Variants in TMEM132D observed in about 807,000 individuals in gnomAD.
TMEM132D encodes the protein mature OL transmembrane protein.
Under a neutral mutation model 62.3 loss-of-function variants are expected in TMEM132D, and 21 were observed. That is an observed-to-expected ratio of 0.34 (90% CI 0.24 to 0.49). The LOEUF (loss-of-function observed/expected upper bound fraction) is 0.49, where lower values mean the gene tolerates loss of function less well. Among genes scored for constraint, TMEM132D ranks in the 20% least tolerant of loss-of-function variants. The pLI is 0.99. For missense variants in TMEM132D, 1,346 were observed against 1,402.8 expected, an observed-to-expected ratio of 0.96 and a Z score of 0.65; for synonymous variants, 621 against 575.6, an observed-to-expected ratio of 1.08 and a Z score of -1.13.
At chr12:129,901,868 CCG>C (rs745653070) in intron 1 of TMEM132D, among the ~76,000 whole-genome samples, 26,175 of 140,080 alleles carry the variant, frequency 0.19, 2,487 homozygotes, top group Admixed American at 0.23. Context: ...CCAACCCCCC[CCG>C]CCCCAAAAAA....
intron 4 of TMEM132D, among the ~76,000 whole-genome samples, chr12:129,250,408 A>G (rs1353319510): frequency 1.3e-5 from 2 of 152,220 alleles, no homozygotes; most frequent in Non-Finnish European, 2.9e-5. Flanking sequence ...TTTTGGAATT[A>G]CCTACAGAGT....
chr12:129,394,814 G>A (rs1034971257), intron 3 of TMEM132D, among the ~76,000 whole-genome samples: 2 of 152,232 alleles, frequency 1.3e-5, no homozygotes, highest in Non-Finnish European at 2.9e-5. Context: ...AAACTTTAGT[G>A]GTTGCCTGGG....
At chr12:129,341,630 AC>A (rs1869488861) in intron 3 of TMEM132D, among the ~76,000 whole-genome samples, 1 of 152,218 alleles carries the variant, frequency 6.6e-6, no homozygotes, top group Non-Finnish European at 1.5e-5. Context: ...TACTAAACAG[AC>A]CCAGACTTGG....
intron 6 of TMEM132D, among the ~76,000 whole-genome samples, chr12:129,084,183 G>A (rs1874539021): frequency 6.6e-6 from 1 of 152,098 alleles, no homozygotes; most frequent in South Asian, 2.1e-4. Flanking sequence ...GAGGGCCTTG[G>A]CTACAGTAAC....
intron 1 of TMEM132D, among the ~76,000 whole-genome samples, chr12:129,706,991 A>G (rs1018038167): frequency 6.6e-6 from 1 of 151,458 alleles, no homozygotes; most frequent in Non-Finnish European, 1.5e-5. Flanking sequence ...TATCATTATT[A>G]AACGAAATAA....
rs947505143 is a variant in TMEM132D at position 129,138,531 on chromosome 12, A to G, written c.1444-53829T>C. 1.1e-4 allele frequency among the ~76,000 whole-genome samples: 16 copies of G among 152,134 alleles called. 1 individual carries two copies. Among genetic ancestry groups the G allele is most frequent in the East Asian group, 5.8e-4 (3 of 5,186 alleles). ...TCAGGAGTTTGAGACCAGCCTGGCCAATATGGTGAAGAAACCCCGTCTCTA... is the reference window on the plus strand; with the variant it reads ...TCAGGAGTTTGAGACCAGCCTGGCCGATATGGTGAAGAAACCCCGTCTCTA... On this transcript the variant is annotated intron_variant, in intron 5 of 8. Transcript: ENST00000422113.
intron 3 of TMEM132D, among the ~76,000 whole-genome samples, chr12:129,447,331 T>C (rs1873129119): frequency 6.6e-6 from 1 of 152,244 alleles, no homozygotes; most frequent in African/African-American, 2.4e-5. Context: ...TCAATTCACT[T>C]GCTTTCTTTA....
chr12:129,414,547 G>A (rs574730862), intron 3 of TMEM132D, among the ~76,000 whole-genome samples: 19 of 152,296 alleles, frequency 1.2e-4, no homozygotes, highest in Non-Finnish European at 2.5e-4. Context: ...ATGATGGGGG[G>A]ATGCAGCATG....
chr12:129,274,881 C>T (rs552511138), intron 4 of TMEM132D, among the ~76,000 whole-genome samples: 3 of 151,666 alleles, frequency 2.0e-5, no homozygotes, highest in Non-Finnish European at 4.4e-5. Flanking sequence ...AGCGAGACTC[C>T]GTCTCAAAAA....
At chr12:129,235,738 T>C (rs902076385) in intron 4 of TMEM132D, among the ~76,000 whole-genome samples, 1 of 152,192 alleles carries the variant, frequency 6.6e-6, no homozygotes, top group Admixed American at 6.5e-5. Context: ...TATGGAAGTT[T>C]ATGTAACTTT....
At chr12:129,413,049 AATAGTAT>A (rs1227695369) in intron 3 of TMEM132D, among the ~76,000 whole-genome samples, 1 of 152,244 alleles carries the variant, frequency 6.6e-6, no homozygotes, top group Non-Finnish European at 1.5e-5. Flanking sequence ...CTGAGAGTCA[AATAGTAT>A]ATAATTAACA....
intron 4 of TMEM132D, among the ~76,000 whole-genome samples, chr12:129,228,437 G>T (rs1879541957): frequency 6.6e-6 from 1 of 152,090 alleles, no homozygotes; most frequent in Non-Finnish European, 1.5e-5. Flanking sequence ...ACAGATACGT[G>T]CAGTATTACC....
At chr12:129,374,904 C>T (rs7952862) in intron 3 of TMEM132D, among the ~76,000 whole-genome samples, 3,103 of 152,282 alleles carry the variant, frequency 0.02, 113 homozygotes, top group African/African-American at 0.072. Context: ...TGGAGAACAG[C>T]CCACCCACAA....
At chr12:129,111,320 G>A (rs1875693915) in intron 5 of TMEM132D, 1 of 152,212 alleles carries the variant, frequency 6.6e-6, no homozygotes, top group Non-Finnish European at 1.5e-5. Flanking sequence ...AAGGAGTATG[G>A]CCCTGCCTAC....
intron 2 of TMEM132D, among the ~76,000 whole-genome samples, chr12:129,673,667 G>A (rs889173156): frequency 6.6e-6 from 1 of 152,164 alleles, no homozygotes; most frequent in Non-Finnish European, 1.5e-5. Context: ...GACAGTCAAA[G>A]AACCATATTG....
intron 1 of TMEM132D, among the ~76,000 whole-genome samples, chr12:129,801,385 C>T (rs1235925755): frequency 6.6e-6 from 1 of 151,462 alleles, no homozygotes; most frequent in Non-Finnish European, 1.5e-5. Context: ...TGACCCCTGA[C>T]CCCCGAGCAG....
chr12:129,156,424 A>C (rs993909567), intron 5 of TMEM132D, among the ~76,000 whole-genome samples: 1 of 152,160 alleles, frequency 6.6e-6, no homozygotes, highest in Non-Finnish European at 1.5e-5. Flanking sequence ...CATGAGAACT[A>C]ACTCACTGTT....
intron 4 of TMEM132D, among the ~76,000 whole-genome samples, chr12:129,228,937 A>G (rs1040319605): frequency 6.6e-6 from 1 of 152,232 alleles, no homozygotes; most frequent in Non-Finnish European, 1.5e-5. Context: ...TTGGAAAATC[A>G]GAAGTTCAGC....
intron 1 of TMEM132D, among the ~76,000 whole-genome samples, chr12:129,807,935 A>G (rs1186619063): frequency 1.4e-4 from 22 of 152,204 alleles, no homozygotes; most frequent in Admixed American, 1.4e-3. Flanking sequence ...AAACTGAACA[A>G]TGAGTTCCAA....
Sources: gnomAD v4.1 joint callset for allele counts (sites outside exome capture counted in the v4.1 genomes callset) on GRCh38, gnomAD v4.1.1 for gene constraint, MANE v1.5 for transcripts, NCBI Gene and HGNC (gene_info 2026-07-23, HGNC 2026-07-21) for gene names.